Variants in MEST observed in about 807,000 individuals in gnomAD.
MEST encodes the protein mesoderm-specific transcript homolog protein.
Under a neutral mutation model 50.9 loss-of-function variants are expected in MEST, and 18 were observed. That is an observed-to-expected ratio of 0.35 (90% CI 0.24 to 0.52). MEST has a LOEUF of 0.52. MEST is among the 20% of genes least tolerant of loss of function. The pLI, the probability that MEST is intolerant of heterozygous loss-of-function variation, is 0.94. For synonymous variants in MEST, 130 were observed against 154.1 expected, an observed-to-expected ratio of 0.84 and a Z score of 1.16; for missense variants, 282 against 425.3, an observed-to-expected ratio of 0.66 and a Z score of 2.96.
chr7:130,499,793 G>C, intron 6 of MEST, 82 bp from the exon 7 acceptor site: 1 of 1,162,326 alleles, frequency 8.6e-7, no homozygotes, highest in Non-Finnish European at 1.2e-6. Context: ...AGACCAGCTG[G>C]GCAACCCAGT....
In MEST at chr7:130,497,289, C is replaced by A; in HGVS notation, c.261+54C>A. 1 of 1,475,480 alleles carries A rather than the reference C, an allele frequency of 6.8e-7. No individual in the cohort carries two copies. The allele number at this position is 1,475,480 out of a possible 1,614,324, so 91.4% of individuals were successfully genotyped here. On this transcript the variant is annotated intron_variant, in intron 3 of 11. Coordinates refer to ENST00000223215, the MANE Select transcript of MEST (RefSeq NM_002402.4). The surrounding 1 kb of genome is among the most constrained non-coding windows in gnomAD (Gnocchi z 4.0). ...TATGTCTTAAAAAATCTCGGCCGGGCGCGGGGGCTCAAATCCTAGCACTTT... is the reference window on the plus strand; with the variant it reads ...TATGTCTTAAAAAATCTCGGCCGGGAGCGGGGGCTCAAATCCTAGCACTTT...
intron 6 of MEST, 196 bp downstream of exon 6, chr7:130,498,673 TAAA>T (rs1799162865): frequency 4.8e-6 from 3 of 618,654 alleles, no homozygotes; most frequent in Non-Finnish European, 8.6e-6. Flanking sequence ...TGTTTTAAAA[TAAA>T]GAAACAAACA....
At chr7:130,495,600 G>C in intron 2 of MEST, 78 bp downstream of exon 2, 1 of 1,442,576 alleles carries the variant, frequency 6.9e-7, no homozygotes, top group South Asian at 1.3e-5. Context: ...TGTGGCTATT[G>C]GTCTCTTGTT....
chr7:130,499,624 GT>G (rs1192509472), intron 6 of MEST, among the ~76,000 whole-genome samples: 1 of 152,130 alleles, frequency 6.6e-6, no homozygotes, highest in Non-Finnish European at 1.5e-5. Flanking sequence ...TTGTAATTCT[GT>G]TTTGGTAGTA....
At chr7:130,495,783 T>G (rs1163299781) in intron 2 of MEST, 1 of 309,978 alleles carries the variant, frequency 3.2e-6, no homozygotes, top group East Asian at 6.8e-5. Flanking sequence ...TATTAGTTTT[T>G]TTTTTTTTTT....
intron 1 of MEST, chr7:130,494,901 A>T (rs1301728323): frequency 1.1e-6 from 1 of 939,252 alleles, no homozygotes; most frequent in Non-Finnish European, 1.3e-6. Flanking sequence ...GCACATATAT[A>T]TTTTTTGAAC....
chr7:130,490,591 T>C (rs1798765698), upstream of MEST, among the ~76,000 whole-genome samples: 1 of 152,202 alleles, frequency 6.6e-6, no homozygotes, highest in Admixed American at 6.5e-5. Context: ...GGGCTCTGCC[T>C]CTGAGGGCCT....
chr7:130,498,128 C>A lies in MEST; in HGVS notation c.340-11C>A, dbSNP rs1799137487. The A allele has an allele frequency of 3.1e-6, 5 of 1,613,976 alleles. No homozygotes were observed. The highest frequency in any genetic ancestry group is 1.1e-5 in the South Asian group (1 of 91,064). The stretch of plus-strand genomic sequence containing the variant: ...ACTTCATCCTGTGTATGTGGGCTTT[C>A]CTTTCCTCAGAGACCACATCACTAT... On this transcript the variant is annotated splice_polypyrimidine_tract_variant and intron_variant, in intron 4 of 11. Transcript: ENST00000223215.
chr7:130,491,781 C>A (rs1798822167), upstream of MEST, among the ~76,000 whole-genome samples: 1 of 152,132 alleles, frequency 6.6e-6, no homozygotes, highest in Admixed American at 6.5e-5. The surrounding 1 kb of genome is among the most constrained non-coding windows in gnomAD (Gnocchi z 6.8). Context: ...CAGGGGTCTG[C>A]TGTTTTTGCC....
Position 130,498,208 on chromosome 7 carries a change from C to T in MEST, c.409C>T (p.Gln137Ter). 1 of 1,614,164 alleles carries T rather than the reference C, an allele frequency of 6.2e-7. No individual in the cohort carries two copies. ...AGCGCTTTTGCGGCATCTGGGGCTC[C>T]AGAACCGCAGGATCAACCTTCTTTC... ...VEALLRHLGL[Q>*]NRRINLLSHD... Residue 137 changes from glutamine (Q) to a stop codon, truncating the protein, a stop_gained, in exon 5 of 12, where the codon CAG becomes TAG. Coordinates refer to ENST00000223215, the MANE Select transcript of MEST (RefSeq NM_002402.4). LOFTEE classifies it high-confidence loss of function.
At chr7:130,492,049 G>T, upstream of MEST, 2 of 225,756 alleles carry the variant, frequency 8.9e-6, no homozygotes, top group Non-Finnish European at 1.7e-5. This position sits in a 1 kb window ranked among gnomAD's most constrained non-coding sequence, Gnocchi z 7.6. Context: ...CGGGGCGCGG[G>T]TGGGCTCTAA....
chr7:130,487,152 C>T (rs1179486249), upstream of MEST: 1 of 151,136 alleles, frequency 6.6e-6, no homozygotes, highest in East Asian at 1.9e-4. Context: ...AAGCCCTTTC[C>T]TCCTCCTAGC....
intron 1 of MEST, chr7:130,493,079 G>A (rs1035719026): frequency 6.6e-6 from 1 of 152,170 alleles, no homozygotes; most frequent in African/African-American, 2.4e-5. Context: ...CAGGTATCAC[G>A]GTGGCGGGAG....
At chr7:130,495,923 C>CATTATATAA (rs143143525) in intron 2 of MEST, 6,260 of 332,258 alleles carry the variant, frequency 0.019, 322 homozygotes, top group African/African-American at 0.12. Flanking sequence ...GTCTTGATAC[C>CATTATATAA]ATTATATAAA....
In MEST at chr7:130,500,183, G is replaced by C; in HGVS notation, c.576+268G>C. The stretch of plus-strand genomic sequence containing the variant: ...ATGGAAAGATCTGTGTCACAAGCTT[G>C]ATGTTTGAACAAATTAGGATCCTAC... On this transcript the variant is annotated intron_variant, in intron 7 of 11. Coordinates refer to ENST00000223215, the MANE Select transcript of MEST (RefSeq NM_002402.4). The surrounding 1 kb of genome is among the most constrained non-coding windows in gnomAD (Gnocchi z 5.0). 3.6e-6 allele frequency: 2 copies of C among 556,202 alleles called. No individual in the cohort carries two copies. The highest frequency in any genetic ancestry group is 2.9e-5 in the East Asian group (1 of 34,292). The allele number at this position is 556,202 out of a possible 1,614,324, so 34.5% of individuals were successfully genotyped here. A position where few individuals can be genotyped will look rare whatever the true frequency, so the allele number is the denominator to read the frequency against.
chr7:130,496,059 C>T (rs946349436), intron 2 of MEST: 25 of 468,316 alleles, frequency 5.3e-5, no homozygotes, highest in African/African-American at 4.4e-4. Flanking sequence ...AGATAGGTGC[C>T]ATTAACCTCA....
At chr7:130,491,886 GC>G (rs1554435320), upstream of MEST, among the ~76,000 whole-genome samples, 2 of 152,104 alleles carry the variant, frequency 1.3e-5, no homozygotes, top group African/African-American at 4.8e-5. The surrounding 1 kb of genome is among the most constrained non-coding windows in gnomAD (Gnocchi z 6.8). Flanking sequence ...TGGGGAGGGG[GC>G]TCGACACCCC....
rs1374984011 is a variant in MEST, at chr7:130,506,440, C to T, written c.*1384C>T. 2.0e-5 allele frequency: 5 copies of T among 254,856 alleles called. No individual in the cohort carries two copies. Among genetic ancestry groups the T allele is most frequent in the African/African-American group, 4.6e-5 (2 of 43,502 alleles). 15.8% of individuals were successfully genotyped at this position (254,856 alleles called of 1,614,324 possible). A position where few individuals can be genotyped will look rare whatever the true frequency, so the allele number is the denominator to read the frequency against. On this transcript the variant is annotated 3_prime_UTR_variant, in exon 12 of 12. Coordinates refer to ENST00000223215, the MANE Select transcript of MEST (RefSeq NM_002402.4). The stretch of plus-strand genomic sequence containing the variant: ...GATAGTATTTGATTTTCAAGATCAC[C>T]CAAAGCTGCACTATCGTCCCAAAGC...
At chr7:130,499,506 C>T (rs916287723) in intron 6 of MEST, among the ~76,000 whole-genome samples, 22 of 152,166 alleles carry the variant, frequency 1.4e-4, no homozygotes, top group Admixed American at 8.5e-4. Context: ...ATTTTCTCCC[C>T]GTTTCACTAT....
Sources: gnomAD v4.1 joint callset for allele counts (sites outside exome capture counted in the v4.1 genomes callset) on GRCh38, gnomAD v4.1.1 for gene constraint, Gnocchi (gnomAD v3.1) non-coding constraint, MANE v1.5 for transcripts, NCBI Gene and HGNC (gene_info 2026-07-23, HGNC 2026-07-21) for gene names.